The following ERICH2 variants were observed in gnomAD, a reference collection of about 807,000 sequenced individuals.
The protein encoded by ERICH2 is glutamate-rich protein 2.
A neutral mutation model predicts 17.4 loss-of-function variants in ERICH2; 17 were observed. The observed-to-expected ratio is 0.98, with a 90% CI of 0.67 to 1.47. ERICH2 has a LOEUF of 1.47. ERICH2 is among the 40% of genes most tolerant of loss of function. ERICH2 has a pLI of 0.00. For synonymous variants in ERICH2, 51 were observed against 61.1 expected, an observed-to-expected ratio of 0.83 and a Z score of 0.77; for missense variants, 186 against 183.2, an observed-to-expected ratio of 1.01 and a Z score of -0.09.
intron 3 of ERICH2, among the ~76,000 whole-genome samples, chr2:170,796,916 A>T (rs1016384451): frequency 6.6e-6 from 1 of 152,188 alleles, no homozygotes; most frequent in Admixed American, 6.5e-5. Flanking sequence ...GAGATCTAAA[A>T]AAGTGAATAA....
chr2:170,785,143 G>A (rs1701127728), intron 2 of ERICH2, among the ~76,000 whole-genome samples: 1 of 152,098 alleles, frequency 6.6e-6, no homozygotes, highest in Non-Finnish European at 1.5e-5. Context: ...CCAGCACAAA[G>A]AAAAGATAAG....
At chr2:170,779,727 C>T (rs1050338972), upstream of ERICH2, 12 of 490,256 alleles carry the variant, frequency 2.4e-5, no homozygotes, top group Admixed American at 2.6e-4. Context: ...TACATAATCA[C>T]GTGTTTTATC....
chr2:170,791,447 T>C (rs1349974091), intron 2 of ERICH2, among the ~76,000 whole-genome samples: 2 of 151,466 alleles, frequency 1.3e-5, no homozygotes, highest in Non-Finnish European at 2.9e-5. Flanking sequence ...TATTAATTAG[T>C]ATGTGAGGCC....
the ERICH2 span, among the ~76,000 whole-genome samples, chr2:170,775,257 G>C: frequency 6.6e-6 from 1 of 151,140 alleles, no homozygotes. Context: ...GTGAGACCCT[G>C]TCTCTTCAAA....
upstream of ERICH2, among the ~76,000 whole-genome samples, chr2:170,778,904 G>A (rs4668315): frequency 0.25 from 37,790 of 152,090 alleles, 5,155 homozygotes; most frequent in South Asian, 0.35. Context: ...GATAAACCCC[G>A]GGGATAAATC....
chr2:170,784,756 G>T, exon 2 of ERICH2: 1 of 1,545,542 alleles, frequency 6.5e-7, no homozygotes, highest in Non-Finnish European at 8.7e-7. Flanking sequence ...TGGTGAAGAT[G>T]ATACCAATGA....
intron 2 of ERICH2, among the ~76,000 whole-genome samples, chr2:170,786,594 C>T (rs1701165082): frequency 6.6e-6 from 1 of 152,112 alleles, no homozygotes; most frequent in Non-Finnish European, 1.5e-5. Context: ...CTGACCTCTG[C>T]TCTTCCTCTT....
chr2:170,770,579 C>T, the ERICH2 span: 1 of 154,938 alleles, frequency 6.5e-6, no homozygotes, highest in African/African-American at 2.4e-5. Flanking sequence ...CATCCACTAC[C>T]AGGGACACCC....
intron 3 of ERICH2, among the ~76,000 whole-genome samples, chr2:170,796,654 C>G (rs1208923121): frequency 6.6e-6 from 1 of 151,996 alleles, no homozygotes; most frequent in Non-Finnish European, 1.5e-5. Flanking sequence ...GAAGGCTGGT[C>G]TTGAACTCCT....
intron 3 of ERICH2, among the ~76,000 whole-genome samples, chr2:170,797,729 C>G (rs1201396386): frequency 6.7e-6 from 1 of 149,776 alleles, no homozygotes; most frequent in African/African-American, 2.5e-5. Context: ...GAGGCAGAGG[C>G]TGCAGTGAGC....
At chr2:170,781,259 A>G (rs1701020911), upstream of ERICH2, among the ~76,000 whole-genome samples, 1 of 152,180 alleles carries the variant, frequency 6.6e-6, no homozygotes, top group Non-Finnish European at 1.5e-5. Context: ...ACATCTTTTT[A>G]TATATTTCCA....
chr2:170,797,457 A>G (rs916085760), intron 3 of ERICH2, among the ~76,000 whole-genome samples: 18 of 152,266 alleles, frequency 1.2e-4, no homozygotes, highest in African/African-American at 3.9e-4. Flanking sequence ...CTATGAGGGA[A>G]GCTATATTGA....
intron 2 of ERICH2, among the ~76,000 whole-genome samples, chr2:170,786,605 T>C (rs1314227776): frequency 6.6e-6 from 1 of 152,200 alleles, no homozygotes; most frequent in African/African-American, 2.4e-5. Flanking sequence ...TCTTCCTCTT[T>C]TCATCTAAGG....
intron 3 of ERICH2, among the ~76,000 whole-genome samples, chr2:170,793,935 A>G (rs1575411447): frequency 6.6e-6 from 1 of 152,024 alleles, no homozygotes; most frequent in East Asian, 1.9e-4. Flanking sequence ...CTTTTCAAAT[A>G]CCACTTCTAG....
intron 2 of ERICH2, 89 bp downstream of exon 7, chr2:170,784,922 T>C (rs1701120485): frequency 1.8e-6 from 2 of 1,100,888 alleles, no homozygotes; most frequent in East Asian, 5.7e-5. Context: ...CTGTGAGAAC[T>C]AAAAAAGTAG....
At chr2:170,774,634 C>T in the ERICH2 span, among the ~76,000 whole-genome samples, 2 of 146,368 alleles carry the variant, frequency 1.4e-5, no homozygotes, top group Non-Finnish European at 3.0e-5. Flanking sequence ...GGCACGCTCT[C>T]GGCTCACTGC....
At chr2:170,791,364 C>T (rs776143552) in intron 2 of ERICH2, among the ~76,000 whole-genome samples, 1 of 152,038 alleles carries the variant, frequency 6.6e-6, no homozygotes, top group South Asian at 2.1e-4. Context: ...GGGTTAGTAA[C>T]TTTATACCTT....
At chr2:170,790,299 G>C (rs140943907) in intron 2 of ERICH2, among the ~76,000 whole-genome samples, 1 of 151,538 alleles carries the variant, frequency 6.6e-6, no homozygotes, top group South Asian at 2.1e-4. Context: ...ATTCAAGACC[G>C]GCCTGGCCAA....
chr2:170,784,876 T>C (rs1170287690), intron 2 of ERICH2, 43 bp downstream of exon 7: 25 of 1,339,656 alleles, frequency 1.9e-5, no homozygotes, highest in African/African-American at 3.0e-5. Flanking sequence ...CTTTAAAATA[T>C]TGAAATAACT....
Sources: gnomAD v4.1 joint callset for allele counts (sites outside exome capture counted in the v4.1 genomes callset) on GRCh38, gnomAD v4.1.1 for gene constraint, MANE v1.5 for transcripts, NCBI Gene and HGNC (gene_info 2026-07-23, HGNC 2026-07-21) for gene names.